Variants in RETREG2 observed in about 807,000 individuals in gnomAD.
RETREG2 encodes the protein reticulophagy regulator 2.
A neutral mutation model predicts 51.6 loss-of-function variants in RETREG2; 21 were observed. The observed-to-expected ratio is 0.41, with a 90% CI of 0.29 to 0.59. The LOEUF (loss-of-function observed/expected upper bound fraction) is 0.59, where lower values mean the gene tolerates loss of function less well. RETREG2 is among the 20% of genes least tolerant of loss of function. RETREG2 has a pLI of 0.34. For missense variants in RETREG2, 674 were observed against 646.0 expected (o/e 1.04, Z -0.47); for synonymous variants, 339 against 288.6 (o/e 1.17, Z -1.77).
intron 5 of RETREG2, 111 bp from the exon 6 acceptor site, chr2:219,180,951 C>T (rs1045601633): frequency 2.1e-5 from 31 of 1,493,400 alleles, no homozygotes; most frequent in Non-Finnish European, 2.7e-5. Context: ...GTTGGCACAG[C>T]CTTGGGAAAG....
rs781467127 is a variant in RETREG2, at chr2:219,179,009, C to A, written c.369C>A (p.Arg123=). 1.2e-6 allele frequency: 2 copies of A among 1,612,442 alleles called. No homozygotes were observed. The highest frequency in any genetic ancestry group is 1.1e-5 in the South Asian group (1 of 91,046). The change falls in exon 2 of 9, where the codon CGC becomes CGA. Residue 123 remains arginine, a synonymous_variant. Transcript: ENST00000430297. Reference sequence around the variant, plus strand: ...TTCTGCTGGATCTCTGGCAGCCTCGCTTTCTCCCTGACGTTTCAGGTGAGT... The same window carrying A: ...TTCTGCTGGATCTCTGGCAGCCTCGATTTCTCCCTGACGTTTCAGGTGAGT... The part of the protein sequence containing the change: ...AYFLLDLWQP[R]FLPDVSASSP...
At position 219,180,384 on chromosome 2, in the gene RETREG2, C is replaced by G. The variant is rs1453695876; in HGVS notation, c.555+139C>G. On this transcript the variant is annotated intron_variant, in intron 4 of 8. Coordinates refer to ENST00000430297, the MANE Select transcript of RETREG2 (RefSeq NM_024293.6). ...CTGGGCGCCTTCTTGAGGCAACATT[C>G]ACAGCTAATCCCTGGTGCAGGAGGC... is the stretch of plus-strand genomic sequence containing the variant. 2.6e-6 allele frequency: 3 copies of G among 1,158,376 alleles called. No individual in the cohort carries two copies. The African/African-American group carries it at 4.6e-5, about 18-fold the overall frequency. The allele number at this position is 1,158,376 out of a possible 1,614,324, so 71.8% of individuals were successfully genotyped here.
chr2:219,180,631 C>T, intron 4 of RETREG2, 39 bp from the exon 5 acceptor site: 2 of 1,614,002 alleles, frequency 1.2e-6, no homozygotes, highest in Non-Finnish European at 1.7e-6. Context: ...GGGCGCATAT[C>T]TCAGCGTGAT....
chr2:219,178,709 G>A (rs1950226376), intron 1 of RETREG2, 76 bp downstream of exon 1: 1 of 1,389,810 alleles, frequency 7.2e-7, no homozygotes, highest in Admixed American at 3.1e-5. Flanking sequence ...TCCCCTTTCT[G>A]GGTTATCACT....
At position 219,183,271 on chromosome 2, in the gene RETREG2, C is replaced by T. The variant is rs987493285; in HGVS notation, c.*642C>T. 2 of 153,376 alleles carry T rather than the reference C, an allele frequency of 1.3e-5. No individual in the cohort carries two copies. The highest frequency in any genetic ancestry group is 4.8e-5 in the African/African-American group (2 of 41,446). The allele number at this position is 153,376 out of a possible 1,614,324, so 9.5% of individuals were successfully genotyped here. A position where few individuals can be genotyped will look rare whatever the true frequency, so the allele number is the denominator to read the frequency against. On this transcript the variant is annotated 3_prime_UTR_variant, in exon 9 of 9. Transcript: ENST00000430297. The stretch of plus-strand genomic sequence containing the variant: ...TGTGTAACCTTCACTGCATCCTTGC[C>T]CCATTCAGCCCGGCCTTTCATGATG...
Position 219,179,757 on chromosome 2 carries a change from C to CTT in RETREG2, c.414_415insTT (p.Asp139LeufsTer15), listed in dbSNP as rs1559220349. ...GCATCATCCCCAGAGGAGCCACACT[C>CTT]TGACAGGTGAGTACAGGCCACCTCT... On this transcript the variant is annotated frameshift_variant, in exon 3 of 9. Coordinates refer to ENST00000430297, the MANE Select transcript of RETREG2 (RefSeq NM_024293.6). LOFTEE classifies it high-confidence loss of function. 1 of 1,614,122 alleles carries CTT rather than the reference C, an allele frequency of 6.2e-7. No homozygotes were observed. The highest frequency in any genetic ancestry group is 8.5e-7 in the Non-Finnish European group (1 of 1,179,974).
rs1260545435 is a variant in RETREG2, at chr2:219,184,809, T to G, written c.*2180T>G. 2.1e-4 allele frequency: 27 copies of G among 130,780 alleles called. No homozygotes were observed. Among genetic ancestry groups the G allele is most frequent in the Non-Finnish European group, 4.3e-4 (26 of 61,074 alleles). 8.1% of individuals were successfully genotyped at this position (130,780 alleles called of 1,614,324 possible). A position where few individuals can be genotyped will look rare whatever the true frequency, so the allele number is the denominator to read the frequency against. On this transcript the variant is annotated 3_prime_UTR_variant, in exon 9 of 9. Coordinates refer to ENST00000430297, the MANE Select transcript of RETREG2 (RefSeq NM_024293.6). ...ATTCTTTTGTTGTTGTTGTTTTGGT[T>G]TTTTGTTTTTTGTGGGTTTTTTTTT...
rs550812341 is a variant in RETREG2 at position 219,181,055 on chromosome 2, C to T, written c.641-7C>T. The T allele has an allele frequency of 1.2e-6, 2 of 1,613,982 alleles. No homozygotes were observed. The highest frequency in any genetic ancestry group is 1.7e-6 in the Non-Finnish European group (2 of 1,179,924). ...GGGAGCTCTTAGTTCACGTTCTTAA[C>T]CCATAGTGTTGAGTATCCTGCTGTG... On this transcript the variant is annotated splice_region_variant and splice_polypyrimidine_tract_variant and intron_variant, in intron 5 of 8. Transcript: ENST00000430297.
In RETREG2 at chr2:219,183,175, G is replaced by C. The variant is rs978980530; in HGVS notation, c.*546G>C. 1.9e-5 allele frequency: 3 copies of C among 162,008 alleles called. No individual in the cohort carries two copies. In the South Asian group the frequency reaches 4.8e-4, roughly 26 times the overall value. 10.0% of individuals were successfully genotyped at this position (162,008 alleles called of 1,614,324 possible). On this transcript the variant is annotated 3_prime_UTR_variant, in exon 9 of 9. Transcript: ENST00000430297. The stretch of plus-strand genomic sequence containing the variant: ...TGGCCAAGCTTTAGGGAGGCTCCTG[G>C]TCTGGGAAGTAAAGAGTAAACCTGG...
rs762582427 is a variant in RETREG2, at chr2:219,182,188, C to G, written c.1191C>G (p.Thr397=). Residue 397 remains threonine (T), a synonymous_variant, in exon 9 of 9, where the codon ACC becomes ACG. Transcript: ENST00000430297. ...AAGAGGATGTGGCAGCTAAGGAAAC[C>G]TTGTTGCGGCTCTCATCCCCCCTCC... The part of the protein sequence containing the change: ...EEEEDVAAKE[T]LLRLSSPLHF... 4 of 1,614,040 alleles carry G rather than the reference C, an allele frequency of 2.5e-6. No individual in the cohort carries two copies. Among genetic ancestry groups the G allele is most frequent in the African/African-American group, 2.7e-5 (2 of 74,908 alleles).
chr2:219,181,837 A>G (rs1950283988), intron 8 of RETREG2, 62 bp downstream of exon 8: 1 of 1,595,550 alleles, frequency 6.3e-7, no homozygotes, highest in South Asian at 1.1e-5. Context: ...TACCATGGGT[A>G]CTTACTGTGC....
chr2:219,180,829 CTA>C (rs1281733700), intron 5 of RETREG2, 75 bp downstream of exon 5: 1 of 1,494,920 alleles, frequency 6.7e-7, no homozygotes, highest in African/African-American at 1.4e-5. Context: ...AGAGGGAAGA[CTA>C]TGCTCTCTCT....
At chr2:219,178,706 T>A in intron 1 of RETREG2, 73 bp downstream of exon 1, 6 of 1,390,912 alleles carry the variant, frequency 4.3e-6, no homozygotes, top group Non-Finnish European at 5.6e-6. Flanking sequence ...CATTCCCCTT[T>A]CTGGGTTATC....
At position 219,181,732 on chromosome 2, in the gene RETREG2, C is replaced by T. The variant is rs368786367; in HGVS notation, c.972C>T (p.Ser324=). ...EASILESGGF[S]VSRATTPQLT... is the part of the protein sequence containing the mutation. ...CTATCTTGGAGAGTGGTGGCTTCTC[C>T]GTATCCCGGGCCACAACTCCGCAGC... The change falls in exon 8 of 9, where the codon TCC becomes TCT. Residue 324 remains serine (S), a synonymous_variant. Coordinates refer to ENST00000430297, the MANE Select transcript of RETREG2 (RefSeq NM_024293.6). The T allele has an allele frequency of 2.1e-5, 34 of 1,613,856 alleles. No individual in the cohort carries two copies. The African/African-American group carries it at 2.7e-4, about 13-fold the overall frequency.
chr2:219,182,476 G>A lies in RETREG2; in HGVS notation c.1479G>A (p.Glu493=). ...AGGCACTCACCACTGAGGACTTTGAGTTGCTGGATCAGGGGGAGCTGGAGC... is the reference window on the plus strand; with the variant it reads ...AGGCACTCACCACTGAGGACTTTGAATTGCTGGATCAGGGGGAGCTGGAGC... ...EEEALTTEDF[E]LLDQGELEQL... The change falls in exon 9 of 9, where the codon GAG becomes GAA. Residue 493 remains glutamate (E), a synonymous_variant. Transcript: ENST00000430297. 1 of 1,614,062 alleles carries A rather than the reference G, an allele frequency of 6.2e-7. No homozygotes were observed. Among genetic ancestry groups the A allele is most frequent in the Non-Finnish European group, 8.5e-7 (1 of 1,179,990 alleles).
chr2:219,178,873 A>T (rs1294956168), intron 1 of RETREG2, 49 bp from the exon 2 acceptor site: 1 of 1,380,692 alleles, frequency 7.2e-7, no homozygotes, highest in Non-Finnish European at 1.0e-6. Flanking sequence ...AGATGGATGC[A>T]TGAGCCTGTC....
chr2:219,181,569 G>A (rs1950279655), intron 7 of RETREG2, 71 bp from the exon 8 acceptor site: 2 of 1,601,786 alleles, frequency 1.2e-6, no homozygotes, highest in Non-Finnish European at 1.7e-6. Context: ...GGTTTTGGGA[G>A]AGGGGATGCT....
In RETREG2 at chr2:219,178,473, G is replaced by T; in HGVS notation, c.121G>T (p.Glu41Ter). ...GAGTGAGGCCACCAGTGAGGCAGAG[G>T]AGGAGGCGGCCACGGCCGAGGCGGT... ...GMSEATSEAE[E>*]EAATAEAVGR... The change falls in exon 1 of 9, where the codon GAG (glutamate) becomes TAG (stop). Residue 41 changes from glutamate to a stop codon, truncating the protein, a stop_gained. Coordinates refer to ENST00000430297, the MANE Select transcript of RETREG2 (RefSeq NM_024293.6). LOFTEE classifies it high-confidence loss of function. 9.6e-7 allele frequency: 1 copy of T among 1,036,370 alleles called. No individual in the cohort carries two copies. Among genetic ancestry groups the T allele is most frequent in the Non-Finnish European group, 1.3e-6 (1 of 740,970 alleles). The allele number at this position is 1,036,370 out of a possible 1,614,324, so 64.2% of individuals were successfully genotyped here.
In RETREG2 at chr2:219,178,335, G is replaced by A; in HGVS notation, c.-18G>A. On this transcript the variant is annotated 5_prime_UTR_variant, in exon 1 of 9. Coordinates refer to ENST00000430297, the MANE Select transcript of RETREG2 (RefSeq NM_024293.6). Reference sequence around the variant, plus strand: ...GCCCTGGCTCCTCGCGGGCTCGGGCGGCGGCTGCGGCGGGGCTATGGCGAG... The same window carrying A: ...GCCCTGGCTCCTCGCGGGCTCGGGCAGCGGCTGCGGCGGGGCTATGGCGAG... 1 of 404,004 alleles carries A rather than the reference G, an allele frequency of 2.5e-6. No homozygotes were observed. Among genetic ancestry groups the A allele is most frequent in the Non-Finnish European group, 4.4e-6 (1 of 229,494 alleles). The allele number at this position is 404,004 out of a possible 1,614,324, so 25.0% of individuals were successfully genotyped here. A position where few individuals can be genotyped will look rare whatever the true frequency, so the allele number is the denominator to read the frequency against.
Sources: gnomAD v4.1 joint callset for allele counts on GRCh38, gnomAD v4.1.1 for gene constraint, MANE v1.5 for transcripts, NCBI Gene and HGNC (gene_info 2026-07-23, HGNC 2026-07-21) for gene names.